Variants in GRIP1 observed in about 807,000 individuals in gnomAD.
GRIP1 encodes the protein glutamate receptor-interacting protein 1.
GRIP1 carries 45 observed loss-of-function variants against 129.9 expected under a neutral mutation model. The ratio of observed to expected loss-of-function variants is 0.35; its 90% CI spans 0.27 to 0.44. The LOEUF is 0.44. Among genes scored for constraint, GRIP1 ranks in the 20% least tolerant of loss-of-function variants. GRIP1 has a pLI of 1.00. For synonymous variants in GRIP1, 530 were observed against 520.8 expected (o/e 1.02, Z -0.24); for missense variants, 1,196 against 1,396.8 (o/e 0.86, Z 2.29).
At chr12:66,953,849 C>T (rs141496018) in intron 1 of GRIP1, among the ~76,000 whole-genome samples, 169 of 152,256 alleles carry the variant, frequency 1.1e-3, no homozygotes, top group Non-Finnish European at 2.1e-3. Context: ...CACACACACA[C>T]ACAATCGATA....
chr12:66,935,289 G>A (rs2041466248), intron 1 of GRIP1, among the ~76,000 whole-genome samples: 1 of 152,068 alleles, frequency 6.6e-6, no homozygotes, highest in South Asian at 2.1e-4. Context: ...AAGCTTCTAA[G>A]CCCTTGGAAT....
intron 1 of GRIP1, among the ~76,000 whole-genome samples, chr12:66,932,534 T>A (rs972995480): frequency 7.9e-5 from 12 of 151,746 alleles, no homozygotes; most frequent in Non-Finnish European, 1.3e-4. Flanking sequence ...AGCGAATAGG[T>A]CACTTAATTG....
At chr12:66,826,596 C>T (rs1035469839) in intron 1 of GRIP1, among the ~76,000 whole-genome samples, 1 of 151,994 alleles carries the variant, frequency 6.6e-6, no homozygotes, top group African/African-American at 2.4e-5. Context: ...ATTTCTACTT[C>T]AAGTGCTGCT....
chr12:66,963,230 AC>A (rs1176718843), intron 1 of GRIP1, among the ~76,000 whole-genome samples: 1 of 152,080 alleles, frequency 6.6e-6, no homozygotes, highest in Non-Finnish European at 1.5e-5. Flanking sequence ...TGGGAGGATC[AC>A]CTGAGCCCAG....
intron 1 of GRIP1, among the ~76,000 whole-genome samples, chr12:66,923,528 C>A (rs757341027): frequency 3.3e-5 from 5 of 152,122 alleles, no homozygotes; most frequent in Non-Finnish European, 5.9e-5. Context: ...AACTTTTAAC[C>A]CCTTTATCTA....
At chr12:66,610,519 T>A (rs189418917) in intron 1 of GRIP1, among the ~76,000 whole-genome samples, 1 of 152,160 alleles carries the variant, frequency 6.6e-6, no homozygotes. Context: ...TTAGAGCCAA[T>A]GGTAAGAACC....
chr12:67,037,279 G>A (rs1453328646), intron 1 of GRIP1: 1 of 151,394 alleles, frequency 6.6e-6, no homozygotes, highest in Non-Finnish European at 1.5e-5. Flanking sequence ...AGTGAGCCGA[G>A]ATTGGGCCAC....
At chr12:66,495,876 G>GA (rs1375555194) in intron 7 of GRIP1, among the ~76,000 whole-genome samples, 13 of 152,314 alleles carry the variant, frequency 8.5e-5, no homozygotes, top group Admixed American at 6.5e-4. Context: ...CCGGCAGCGC[G>GA]AAACATTTCA....
chr12:66,830,140 T>A (rs533157208), intron 1 of GRIP1, among the ~76,000 whole-genome samples: 4 of 152,324 alleles, frequency 2.6e-5, no homozygotes, highest in African/African-American at 9.6e-5. Context: ...ATGTGTCATA[T>A]CCACTAACAT....
At chr12:66,760,485 G>A (rs74384059) in intron 1 of GRIP1, among the ~76,000 whole-genome samples, 1,983 of 152,246 alleles carry the variant, frequency 0.013, 51 homozygotes, top group African/African-American at 0.046. Context: ...CGTGGCGGTG[G>A]CAAGAGAAAA....
intron 1 of GRIP1, among the ~76,000 whole-genome samples, chr12:66,616,982 G>A (rs1452665961): frequency 6.6e-6 from 1 of 152,000 alleles, no homozygotes; most frequent in Non-Finnish European, 1.5e-5. Flanking sequence ...GCAGATGCAT[G>A]CTCTGAAAGG....
chr12:67,004,350 G>C (rs1413801890), intron 1 of GRIP1, among the ~76,000 whole-genome samples: 1 of 152,182 alleles, frequency 6.6e-6, no homozygotes, highest in Non-Finnish European at 1.5e-5. Context: ...GGCCCCAGTT[G>C]TAACAGTCAC....
intron 1 of GRIP1, among the ~76,000 whole-genome samples, chr12:66,736,345 AATTTTTTTTTTTTTTTT>A: frequency 2.0e-5 from 1 of 49,270 alleles, no homozygotes; most frequent in African/African-American, 6.3e-5. Flanking sequence ...GTGCCTGGCT[AATTTTTTTTTTTTTTTT>A]TTTTTTTTTT....
chr12:66,445,113 T>G (rs1436083495), intron 12 of GRIP1, among the ~76,000 whole-genome samples: 1 of 152,244 alleles, frequency 6.6e-6, no homozygotes, highest in Admixed American at 6.5e-5. Context: ...TCTAGTCCCT[T>G]GATGGACAAA....
intron 4 of GRIP1, among the ~76,000 whole-genome samples, chr12:66,532,953 A>G (rs1056672627): frequency 2.0e-5 from 3 of 152,232 alleles, no homozygotes; most frequent in Non-Finnish European, 4.4e-5. Flanking sequence ...CAATCAGATT[A>G]TAGGGCAGAC....
intron 1 of GRIP1, among the ~76,000 whole-genome samples, chr12:66,780,537 A>C (rs1323244661): frequency 1.3e-5 from 2 of 152,142 alleles, no homozygotes; most frequent in East Asian, 3.9e-4. Context: ...TCAGGACAGG[A>C]ACAACAGCAA....
At chr12:66,830,890 AG>A (rs2039504909) in intron 1 of GRIP1, among the ~76,000 whole-genome samples, 1 of 147,408 alleles carries the variant, frequency 6.8e-6, no homozygotes, top group South Asian at 2.1e-4. Context: ...CTCTCACCCC[AG>A]GTTGGAGTAC....
At chr12:66,865,017 T>C (rs1392678450) in intron 1 of GRIP1, among the ~76,000 whole-genome samples, 2 of 152,156 alleles carry the variant, frequency 1.3e-5, no homozygotes, top group Non-Finnish European at 2.9e-5. Flanking sequence ...TTTGTATATG[T>C]CCCAGACCTA....
At chr12:66,749,615 C>G (rs2136607666) in intron 1 of GRIP1, among the ~76,000 whole-genome samples, 1 of 152,250 alleles carries the variant, frequency 6.6e-6, no homozygotes, top group Non-Finnish European at 1.5e-5. Context: ...GGTAATTTGG[C>G]AGTTTTGCCA....
Sources: gnomAD v4.1 joint callset for allele counts (sites outside exome capture counted in the v4.1 genomes callset) on GRCh38, gnomAD v4.1.1 for gene constraint, MANE v1.5 for transcripts, NCBI Gene and HGNC (gene_info 2026-07-23, HGNC 2026-07-21) for gene names.